The following IVD variants were observed in gnomAD, a reference collection of about 807,000 sequenced individuals.
IVD encodes the protein isovaleryl-CoA dehydrogenase, mitochondrial.
A neutral mutation model predicts 51.3 loss-of-function variants in IVD; 31 were observed. The observed-to-expected ratio is 0.60, with a 90% CI of 0.45 to 0.81. IVD has a LOEUF of 0.81. Among genes scored for constraint, IVD ranks in the 40% least tolerant of loss-of-function variants. The pLI, the probability that IVD is intolerant of heterozygous loss-of-function variation, is 0.00. For missense variants in IVD, 475 were observed against 552.0 expected (o/e 0.86, Z 1.40); for synonymous variants, 205 against 219.4 (o/e 0.93, Z 0.58).
rs1156998179 is a variant in IVD at position 40,420,956 on chromosome 15, G to A, written c.*2693G>A. The A allele has an allele frequency of 5.1e-6, 5 of 985,394 alleles. No homozygotes were observed. Among genetic ancestry groups the A allele is most frequent in the African/African-American group, 3.5e-5 (2 of 57,226 alleles). 61.0% of individuals were successfully genotyped at this position (985,394 alleles called of 1,614,324 possible). ...CCAGCAGCACCTATCCTGGCTCTTGGTCCTGGCCTGCAGCCAAGTGCTGTT... is the reference window on the plus strand; with the variant it reads ...CCAGCAGCACCTATCCTGGCTCTTGATCCTGGCCTGCAGCCAAGTGCTGTT... On this transcript the variant is annotated 3_prime_UTR_variant, in exon 12 of 12. Coordinates refer to ENST00000487418, the MANE Select transcript of IVD (RefSeq NM_002225.5).
In IVD at chr15:40,408,056, A is replaced by C. The variant is rs536132542; in HGVS notation, c.286+66A>C. On this transcript the variant is annotated intron_variant, in intron 3 of 11. Transcript: ENST00000487418. ...TGCCCTTTAAGACAGTTCCCAAAAG[A>C]AGCAGGAAGGGAAGGGAAAGATTGT... 1.0e-5 allele frequency: 15 copies of C among 1,455,210 alleles called. No individual in the cohort carries two copies. The South Asian group carries it at 1.6e-4, about 15-fold the overall frequency. The allele number at this position is 1,455,210 out of a possible 1,614,324, so 90.1% of individuals were successfully genotyped here. A position where few individuals can be genotyped will look rare whatever the true frequency, so the allele number is the denominator to read the frequency against.
At chr15:40,412,903 G>A in intron 6 of IVD, 88 bp from the exon 7 acceptor site, 1 of 982,194 alleles carries the variant, frequency 1.0e-6, no homozygotes, top group South Asian at 1.3e-5. Context: ...CAATAGGAAG[G>A]TGAGTGCCTT....
At chr15:40,406,058 C>G in intron 1 of IVD, 87 bp downstream of exon 1, 1 of 1,546,914 alleles carries the variant, frequency 6.5e-7, no homozygotes. Flanking sequence ...CCCATCGGCC[C>G]AGCGCCCACC....
chr15:40,417,353 C>A (rs529170714), intron 11 of IVD, among the ~76,000 whole-genome samples: 1 of 151,124 alleles, frequency 6.6e-6, no homozygotes, highest in Non-Finnish European at 1.5e-5. Context: ...ACTAAAAATA[C>A]AAAAATTAGC....
intron 9 of IVD, 114 bp from the exon 10 acceptor site, chr15:40,415,964 C>A: frequency 1.1e-6 from 1 of 894,324 alleles, no homozygotes; most frequent in Non-Finnish European, 1.8e-6. Flanking sequence ...ATCCCATCTC[C>A]TCTCCATGCC....
chr15:40,418,389 CT>C lies in IVD; in HGVS notation c.*127del. The C allele has an allele frequency of 6.3e-7, 1 of 1,584,242 alleles. No homozygotes were observed. Among genetic ancestry groups the C allele is most frequent in the Non-Finnish European group, 8.5e-7 (1 of 1,170,986 alleles). On this transcript the variant is annotated 3_prime_UTR_variant, in exon 12 of 12. Transcript: ENST00000487418. ...CAGCTGCTCTTGTCAGCCCTCTGGC[CT>C]CTGGATGAGGTTGAGTTCTCCACAA...
chr15:40,410,878 G>A (rs1891001198), intron 4 of IVD, 81 bp downstream of exon 4: 4 of 1,509,156 alleles, frequency 2.7e-6, no homozygotes, highest in Middle Eastern at 1.7e-4. Context: ...TTGGGGGCCA[G>A]TCAGACCTGC....
chr15:40,406,051 A>AAGGCCTCCT, intron 1 of IVD, 80 bp downstream of exon 1: 17 of 1,542,480 alleles, frequency 1.1e-5, no homozygotes, highest in South Asian at 6.0e-5. Flanking sequence ...CCTGGTCCCC[A>AAGGCCTCCT]TCGGCCCAGC....
At chr15:40,435,611 T>C (rs1845767756), downstream of IVD, 39 of 1,107,660 alleles carry the variant, frequency 3.5e-5, no homozygotes, top group South Asian at 7.4e-4. Context: ...AATCCTTCTA[T>C]GTTCTCCAAC....
At chr15:40,411,947 T>G (rs78151774) in intron 6 of IVD, among the ~76,000 whole-genome samples, 401 of 152,184 alleles carry the variant, frequency 2.6e-3, no homozygotes, top group African/African-American at 9.4e-3. Context: ...AGGGGAGGAC[T>G]AAAAGGAGGT....
At chr15:40,416,446 G>C (rs190095039) in intron 11 of IVD, 84 bp downstream of exon 11, 4 of 1,265,642 alleles carry the variant, frequency 3.2e-6, no homozygotes, top group Non-Finnish European at 4.6e-6. Flanking sequence ...CAGGGCGGGC[G>C]TGGTGGCTCA....
chr15:40,414,833 A>C, intron 7 of IVD, 56 bp from the exon 8 acceptor site: 3 of 1,608,310 alleles, frequency 1.9e-6, no homozygotes, highest in Non-Finnish European at 2.5e-6. Context: ...TACCTTTGAT[A>C]AAAGTGAGGA....
downstream of IVD, among the ~76,000 whole-genome samples, chr15:40,427,038 C>G (rs1406444366): frequency 6.6e-6 from 1 of 152,162 alleles, no homozygotes; most frequent in Non-Finnish European, 1.5e-5. Context: ...AGAGTAAGGG[C>G]TGGATAGATA....
chr15:40,413,092 G>GC lies in IVD; in HGVS notation c.784+5_784+6insC. The GC allele has an allele frequency of 6.2e-7, 1 of 1,607,916 alleles. No homozygotes were observed. Among genetic ancestry groups the GC allele is most frequent in the Non-Finnish European group, 8.5e-7 (1 of 1,174,978 alleles). ...TTGAAGACTGCAAGATTCCTGGTAA[G>GC]TAGCACCGGGAATCGGGGAGCCCCT... On this transcript the variant is annotated splice_donor_region_variant and intron_variant, in intron 7 of 11. Transcript: ENST00000487418.
chr15:40,434,880 T>C (rs906096427), intron 8 of IVD, among the ~76,000 whole-genome samples: 24 of 152,194 alleles, frequency 1.6e-4, no homozygotes, highest in Non-Finnish European at 2.5e-4. Context: ...CTCACACCCC[T>C]TACTATTGAA....
At chr15:40,424,264 G>A (rs1204392880), downstream of IVD, 10 of 1,114,624 alleles carry the variant, frequency 9.0e-6, no homozygotes, top group South Asian at 1.1e-4. Flanking sequence ...ATCCCCCTGG[G>A]CCTTCCCCTT....
downstream of IVD, among the ~76,000 whole-genome samples, chr15:40,425,100 T>C (rs2141410339): frequency 6.6e-6 from 1 of 152,276 alleles, no homozygotes; most frequent in South Asian, 2.1e-4. Context: ...CTCTGCTAGC[T>C]GAGGACGAGA....
intron 7 of IVD, chr15:40,433,731 T>C (rs530600025): frequency 2.6e-6 from 1 of 388,504 alleles, no homozygotes; most frequent in South Asian, 1.9e-5. Flanking sequence ...AATTGTTTAC[T>C]ATTCAGTTCA....
In IVD at chr15:40,420,326, G is replaced by T; in HGVS notation, c.*2063G>T. On this transcript the variant is annotated 3_prime_UTR_variant, in exon 12 of 12. Transcript: ENST00000487418. Reference sequence around the variant, plus strand: ...ACAGGCCCTACCCGAGCAGGCCGGAGTTGGCTCGCATGACTCCAGCTGAGG... The same window carrying T: ...ACAGGCCCTACCCGAGCAGGCCGGATTTGGCTCGCATGACTCCAGCTGAGG... 2.0e-6 allele frequency: 2 copies of T among 987,684 alleles called. No homozygotes were observed. The highest frequency in any genetic ancestry group is 2.4e-6 in the Non-Finnish European group (2 of 830,152). The allele number at this position is 987,684 out of a possible 1,614,324, so 61.2% of individuals were successfully genotyped here.
Sources: allele counts gnomAD v4.1 joint callset (sites outside exome capture counted in the v4.1 genomes callset), GRCh38; gene constraint gnomAD v4.1.1; transcripts MANE v1.5; gene names NCBI Gene and HGNC (gene_info 2026-07-23, HGNC 2026-07-21).